RNF121: variants seen among roughly 807,000 people sequenced by gnomAD.
RNF121 encodes ring finger protein 121.
A neutral mutation model predicts 46.5 loss-of-function variants in RNF121; 21 were observed. The ratio of observed to expected loss-of-function variants is 0.45; its 90% confidence interval spans 0.32 to 0.65. The LOEUF is 0.65. Ranked by LOEUF, RNF121 falls within the 30% of genes least tolerant of loss-of-function variation. The probability of loss-of-function intolerance (pLI) is 0.04; values close to 1 mark genes in which losing one functional copy is unlikely to be tolerated. For synonymous variants in RNF121, 139 were observed against 144.7 expected, an observed-to-expected ratio of 0.96 and a Z score of 0.28; for missense variants, 346 against 416.0, an observed-to-expected ratio of 0.83 and a Z score of 1.46.
At chr11:71,947,193 A>G (rs1953747885) in intron 1 of RNF121, among the ~76,000 whole-genome samples, 1 of 151,992 alleles carries the variant, frequency 6.6e-6, no homozygotes, top group Non-Finnish European at 1.5e-5. Flanking sequence ...TATACTAACA[A>G]TAATTGAATT....
chr11:71,946,930 T>C (rs953354530), intron 1 of RNF121, among the ~76,000 whole-genome samples: 6 of 143,986 alleles, frequency 4.2e-5, no homozygotes, highest in Non-Finnish European at 6.0e-5. Context: ...TGCAGTTGCA[T>C]GATCTCGGCT....
intron 3 of RNF121, among the ~76,000 whole-genome samples, chr11:71,974,846 G>A (rs550125276): frequency 1.3e-5 from 2 of 152,282 alleles, no homozygotes; most frequent in East Asian, 1.9e-4. Context: ...GGCAGCTTAA[G>A]AGACAGAAAA....
chr11:71,963,366 T>C (rs1476163502), intron 3 of RNF121, among the ~76,000 whole-genome samples: 2 of 152,154 alleles, frequency 1.3e-5, no homozygotes, highest in Non-Finnish European at 2.9e-5. Flanking sequence ...CTCAAGCCTG[T>C]AATTCCAGCA....
intron 1 of RNF121, among the ~76,000 whole-genome samples, chr11:71,930,993 C>T (rs4945353): frequency 0.89 from 135,045 of 152,016 alleles, 60,236 homozygotes; most frequent in Non-Finnish European, 0.94. Context: ...CCACCACGCC[C>T]GGCTGATTTT....
chr11:71,973,100 C>T (rs534564953), intron 3 of RNF121, among the ~76,000 whole-genome samples: 2 of 151,778 alleles, frequency 1.3e-5, no homozygotes, highest in Admixed American at 1.3e-4. Flanking sequence ...GCAGGAGAAT[C>T]GCTTGAATCC....
chr11:71,957,397 G>GGGATCTTT, intron 2 of RNF121, 133 bp downstream of exon 2: 2 of 739,630 alleles, frequency 2.7e-6, no homozygotes, highest in Non-Finnish European at 5.0e-6. Context: ...CTGGTCTTTT[G>GGGATCTTT]GGATCTCTCT....
intron 3 of RNF121, among the ~76,000 whole-genome samples, chr11:71,973,388 G>T (rs147067176): frequency 5.9e-5 from 9 of 152,178 alleles, no homozygotes; most frequent in African/African-American, 2.2e-4. Flanking sequence ...CTACTTAGGA[G>T]GTTGAGATGG....
intron 3 of RNF121, among the ~76,000 whole-genome samples, chr11:71,973,238 A>G (rs1380805557): frequency 1.3e-5 from 2 of 152,106 alleles, no homozygotes; most frequent in African/African-American, 2.4e-5. Flanking sequence ...CATGCCTGTA[A>G]TTCCAGCATT....
At chr11:71,991,736 C>T (rs938515106) in intron 6 of RNF121, among the ~76,000 whole-genome samples, 2 of 151,986 alleles carry the variant, frequency 1.3e-5, no homozygotes, top group African/African-American at 4.8e-5. Flanking sequence ...AAGACCATTG[C>T]GGTTGTATGG....
chr11:71,986,982 T>C, intron 4 of RNF121, 22 bp from the exon 5 acceptor site: 1 of 1,411,424 alleles, frequency 7.1e-7, no homozygotes. Context: ...TCAGCTGCAC[T>C]AACCTTCTCT....
At chr11:71,985,931 CA>C (rs888685205) in intron 4 of RNF121, among the ~76,000 whole-genome samples, 13 of 138,816 alleles carry the variant, frequency 9.4e-5, no homozygotes, top group Non-Finnish European at 1.7e-4. Flanking sequence ...CATCTCTAGC[CA>C]AAAAAAAACA....
chr11:71,975,208 A>C (rs1215950394), intron 3 of RNF121, among the ~76,000 whole-genome samples: 1 of 152,258 alleles, frequency 6.6e-6, no homozygotes, highest in Non-Finnish European at 1.5e-5. Context: ...GAATTAGAGA[A>C]TTCTGACTAA....
chr11:71,958,880 A>G (rs142113834), intron 2 of RNF121, among the ~76,000 whole-genome samples: 1 of 152,318 alleles, frequency 6.6e-6, no homozygotes, highest in South Asian at 2.1e-4. Context: ...TCTTTTCTAG[A>G]TCATTCTTTG....
chr11:71,950,562 C>T (rs1459132970), intron 1 of RNF121, among the ~76,000 whole-genome samples: 7 of 150,976 alleles, frequency 4.6e-5, no homozygotes, highest in Admixed American at 2.0e-4. Context: ...CCAGTCTGGG[C>T]GACACGACAG....
intron 1 of RNF121, among the ~76,000 whole-genome samples, chr11:71,939,940 T>C (rs1200319598): frequency 6.6e-6 from 1 of 152,214 alleles, no homozygotes; most frequent in African/African-American, 2.4e-5. Context: ...AGTAGAGTTA[T>C]AAATTACGTA....
chr11:71,973,006 G>A (rs971359109), intron 3 of RNF121, among the ~76,000 whole-genome samples: 1 of 152,100 alleles, frequency 6.6e-6, no homozygotes, highest in Admixed American at 6.5e-5. Context: ...GACCAACATG[G>A]AGAAACCTTG....
chr11:71,968,664 C>T (rs1954345852), intron 3 of RNF121, among the ~76,000 whole-genome samples: 1 of 152,086 alleles, frequency 6.6e-6, no homozygotes, highest in African/African-American at 2.4e-5. Flanking sequence ...TTATTGAGTA[C>T]TGTCTATTTA....
intron 1 of RNF121, among the ~76,000 whole-genome samples, chr11:71,950,767 C>G (rs1224495427): frequency 1.3e-5 from 2 of 152,068 alleles, no homozygotes; most frequent in African/African-American, 4.8e-5. Flanking sequence ...ATTCCCCTGC[C>G]TCAGCCTCCC....
chr11:71,994,041 T>C (rs932393731), intron 6 of RNF121, among the ~76,000 whole-genome samples: 1 of 152,040 alleles, frequency 6.6e-6, no homozygotes, highest in African/African-American at 2.4e-5. Context: ...GGGGTTTCAC[T>C]GTGTTAGTTA....
Sources: allele counts gnomAD v4.1 joint callset (sites outside exome capture counted in the v4.1 genomes callset), GRCh38; gene constraint gnomAD v4.1.1; transcripts MANE v1.5; gene names NCBI Gene and HGNC (gene_info 2026-07-23, HGNC 2026-07-21).